NBAS: variants seen among roughly 807,000 people sequenced by gnomAD.
NBAS encodes the protein NBAS subunit of NRZ tethering complex, also known as NAG/BC035112 fusion.
Under a neutral mutation model 302.5 loss-of-function variants are expected in NBAS, and 219 were observed. The observed-to-expected ratio is 0.72, with a 90% CI of 0.65 to 0.81. The LOEUF is 0.81. Among genes scored for constraint, NBAS ranks in the 30% least tolerant of loss-of-function variants. The pLI is 0.00. For missense variants in NBAS, 2,932 were observed against 2,841.6 expected (o/e 1.03, Z -0.72); for synonymous variants, 1,118 against 1,021.6 (o/e 1.09, Z -1.80).
the NBAS span, among the ~76,000 whole-genome samples, chr2:15,019,309 A>G: frequency 6.6e-6 from 1 of 152,218 alleles, no homozygotes; most frequent in Non-Finnish European, 1.5e-5. Context: ...ATAATTATAC[A>G]TGAGGTAAAT....
chr2:15,523,765 T>C (rs748566101), intron 9 of NBAS, among the ~76,000 whole-genome samples: 13 of 152,106 alleles, frequency 8.5e-5, no homozygotes, highest in Non-Finnish European at 1.3e-4. Context: ...AATACAAAAA[T>C]TAGCTGGGCG....
intron 44 of NBAS, among the ~76,000 whole-genome samples, chr2:15,248,139 A>G (rs1311017096): frequency 6.6e-6 from 1 of 152,230 alleles, no homozygotes; most frequent in Non-Finnish European, 1.5e-5. Context: ...AGAACTCAGG[A>G]TTAAGAAACT....
At chr2:14,795,338 A>G in the NBAS span, among the ~76,000 whole-genome samples, 10 of 152,186 alleles carry the variant, frequency 6.6e-5, no homozygotes, top group South Asian at 1.2e-3. Flanking sequence ...TTGCATTTAC[A>G]TAATATCTAA....
chr2:14,825,502 G>T, the NBAS span, among the ~76,000 whole-genome samples: 1 of 152,274 alleles, frequency 6.6e-6, no homozygotes, highest in African/African-American at 2.4e-5. Context: ...TTAACTAAAT[G>T]CTAATCATCC....
At chr2:14,932,226 A>G in the NBAS span, among the ~76,000 whole-genome samples, 2 of 152,148 alleles carry the variant, frequency 1.3e-5, no homozygotes, top group Non-Finnish European at 2.9e-5. Flanking sequence ...GCATGAACCA[A>G]CCTTTGCAAT....
chr2:14,952,855 G>A, the NBAS span, among the ~76,000 whole-genome samples: 1 of 152,230 alleles, frequency 6.6e-6, no homozygotes, highest in Non-Finnish European at 1.5e-5. Context: ...TGCTCTAAGA[G>A]AGTAAAACAG....
chr2:15,094,567 G>T, the NBAS span, among the ~76,000 whole-genome samples: 1 of 152,236 alleles, frequency 6.6e-6, no homozygotes, highest in Non-Finnish European at 1.5e-5. Flanking sequence ...TTAAGAGCCT[G>T]CATGGCTCAG....
the NBAS span, among the ~76,000 whole-genome samples, chr2:14,805,522 T>C: frequency 6.6e-6 from 1 of 152,206 alleles, no homozygotes; most frequent in Non-Finnish European, 1.5e-5. Flanking sequence ...GAAACTGATA[T>C]GGCCAGATTT....
chr2:15,041,217 G>A, the NBAS span, among the ~76,000 whole-genome samples: 2 of 152,220 alleles, frequency 1.3e-5, no homozygotes, highest in East Asian at 3.9e-4. Flanking sequence ...TATGGAGGCA[G>A]GGAGAGCTGA....
At chr2:14,806,274 G>A in the NBAS span, among the ~76,000 whole-genome samples, 1 of 152,130 alleles carries the variant, frequency 6.6e-6, no homozygotes, top group African/African-American at 2.4e-5. Context: ...CAGTCATGAA[G>A]TTTATTATCT....
At chr2:14,781,746 C>CCA in the NBAS span, among the ~76,000 whole-genome samples, 3 of 135,884 alleles carry the variant, frequency 2.2e-5, no homozygotes, top group African/African-American at 5.2e-5. Context: ...GCTATTGTGA[C>CCA]AAAAAAAAAA....
rs999524162 is a variant in NBAS, at chr2:15,483,915, C to T, written c.1083+4979G>A. Among the ~76,000 whole-genome samples the T allele has an allele frequency of 2.6e-5, 4 of 152,152 alleles. No individual in the cohort carries two copies. The East Asian group carries it at 7.7e-4, about 29-fold the overall frequency. On this transcript the variant is annotated intron_variant, in intron 12 of 51. Coordinates refer to ENST00000281513, the MANE Select transcript of NBAS (RefSeq NM_015909.4). ...CTGACTAGTTTAAATATCACCATAT[C>T]ATCGATTTGAAACTAATCGGTTTGT...
chr2:15,007,485 G>GT, the NBAS span, among the ~76,000 whole-genome samples: 4 of 152,096 alleles, frequency 2.6e-5, no homozygotes, highest in African/African-American at 7.2e-5. Context: ...AGGAAGCGAA[G>GT]TTTTTTTTAT....
At chr2:15,009,883 T>A in the NBAS span, among the ~76,000 whole-genome samples, 1 of 151,832 alleles carries the variant, frequency 6.6e-6, no homozygotes, top group Non-Finnish European at 1.5e-5. Flanking sequence ...ACCGCAAAAT[T>A]ATGAAACTCA....
intron 11 of NBAS, among the ~76,000 whole-genome samples, 193 bp downstream of exon 11, chr2:15,503,952 G>A (rs2148635847): frequency 6.6e-6 from 1 of 152,256 alleles, no homozygotes; most frequent in Middle Eastern, 3.4e-3. Context: ...AGATAAGGTT[G>A]ATACACAGTA....
At chr2:15,198,976 A>C (rs1293322344) in intron 48 of NBAS, among the ~76,000 whole-genome samples, 1 of 151,996 alleles carries the variant, frequency 6.6e-6, no homozygotes, top group East Asian at 1.9e-4. Flanking sequence ...AACACAAAAA[A>C]TTAGCCGGGC....
chr2:15,442,210 T>C lies in NBAS; in HGVS notation c.2340-14416A>G, dbSNP rs1231139011. ...CCAAATCAACAGAATATACATTTTT[T>C]TCAGCACCACACCACACCTATTCCA... On this transcript the variant is annotated intron_variant, in intron 21 of 51. Coordinates refer to ENST00000281513, the MANE Select transcript of NBAS (RefSeq NM_015909.4). Among the ~76,000 whole-genome samples the C allele has an allele frequency of 5.4e-5, 6 of 110,632 alleles. No homozygotes were observed. In the East Asian group the frequency reaches 1.2e-3, roughly 22 times the overall value. The allele number at this position is 110,632 out of a possible 152,430, so 72.6% of individuals were successfully genotyped here.
chr2:15,490,901 T>C (rs1680829507), intron 11 of NBAS, among the ~76,000 whole-genome samples: 1 of 152,196 alleles, frequency 6.6e-6, no homozygotes, highest in South Asian at 2.1e-4. Flanking sequence ...ATCTGTACGG[T>C]AATTCCCAGG....
intron 25 of NBAS, among the ~76,000 whole-genome samples, chr2:15,406,533 AG>A (rs1558310748): frequency 6.6e-6 from 1 of 152,212 alleles, no homozygotes; most frequent in Non-Finnish European, 1.5e-5. Context: ...CAAAATACAG[AG>A]GCAGTAAAAG....
Sources: allele counts gnomAD v4.1 joint callset (sites outside exome capture counted in the v4.1 genomes callset), GRCh38; gene constraint gnomAD v4.1.1; transcripts MANE v1.5; gene names NCBI Gene and HGNC (gene_info 2026-07-23, HGNC 2026-07-21).